Variants in ADCY7 observed in about 807,000 individuals in gnomAD.
The protein encoded by ADCY7 is adenylate cyclase type 7.
A neutral mutation model predicts 120.6 loss-of-function variants in ADCY7; 72 were observed. The observed-to-expected ratio is 0.60, with a 90% confidence interval of 0.49 to 0.73. The LOEUF (loss-of-function observed/expected upper bound fraction) is 0.73. Among genes scored for constraint, ADCY7 ranks in the 30% least tolerant of loss-of-function variants. ADCY7 has a pLI of 0.00. For missense variants in ADCY7, 1,227 were observed against 1,486.0 expected, an observed-to-expected ratio of 0.83 and a Z score of 2.87; for synonymous variants, 661 against 628.0, an observed-to-expected ratio of 1.05 and a Z score of -0.78.
chr16:50,307,087 T>G lies in ADCY7; in HGVS notation c.1790T>G (p.Phe597Cys). 6.2e-7 allele frequency: 1 copy of G among 1,611,500 alleles called. No individual in the cohort carries two copies. Among genetic ancestry groups the G allele is most frequent in the Non-Finnish European group, 8.5e-7 (1 of 1,179,936 alleles). The change falls in exon 15 of 26, where the codon TTT becomes TGT. Residue 597 changes from phenylalanine to cysteine, a missense_variant. Phe to Cys is a radical substitution (Grantham distance 205). This residue lies in a region of ADCY7 where 332 missense variants were observed against 455.8 expected (regional missense o/e 0.73). Coordinates refer to ENST00000673801, the MANE Select transcript of ADCY7 (RefSeq NM_001114.5). ...CCCATCCCCCGGGCCCGCCACGACTTTGCCTGCGCCAGCCTGATCTTCGTC... is the reference window on the plus strand; with the variant it reads ...CCCATCCCCCGGGCCCGCCACGACTGTGCCTGCGCCAGCCTGATCTTCGTC... ...LAPIPRARHD[F>C]ACASLIFVCI...
chr16:50,293,527 C>T (rs768668889), intron 6 of ADCY7, 25 bp downstream of exon 6: 30 of 1,611,526 alleles, frequency 1.9e-5, no homozygotes, highest in African/African-American at 9.3e-5. Context: ...GTGTGATTAG[C>T]ATATCCCGGG....
intron 7 of ADCY7, among the ~76,000 whole-genome samples, chr16:50,294,959 C>T (rs112427844): frequency 6.6e-6 from 1 of 152,156 alleles, no homozygotes; most frequent in Non-Finnish European, 1.5e-5. Flanking sequence ...CCCAGAGTGA[C>T]AGGCCAGTGG....
At chr16:50,269,712 G>A (rs1227904260) in intron 1 of ADCY7, among the ~76,000 whole-genome samples, 1 of 152,146 alleles carries the variant, frequency 6.6e-6, no homozygotes, top group Non-Finnish European at 1.5e-5. Context: ...TGTTCATACT[G>A]AGGTGACACA....
At chr16:50,258,316 A>G (rs2032972902) in intron 1 of ADCY7, among the ~76,000 whole-genome samples, 1 of 152,148 alleles carries the variant, frequency 6.6e-6, no homozygotes, top group African/African-American at 2.4e-5. Flanking sequence ...TTTCATCTGT[A>G]GGACTGGTAC....
At chr16:50,280,252 T>G (rs1027669931) in intron 1 of ADCY7, among the ~76,000 whole-genome samples, 2 of 152,216 alleles carry the variant, frequency 1.3e-5, no homozygotes, top group Non-Finnish European at 2.9e-5. Flanking sequence ...TTCTGATGGT[T>G]GTTTTTTATT....
rs2036121416 is a variant in ADCY7, at chr16:50,307,121, G to A, written c.1824G>A (p.Leu608=). Residue 608 remains leucine, a synonymous_variant, in exon 15 of 26, where the codon CTG becomes CTA. Transcript: ENST00000673801. ...ACASLIFVCI[L]LVHVLLMPRT... ...CCAGCCTGATCTTCGTCTGCATCCTGCTCGTCCATGTCCTGCTCATGCCCA... is the reference window on the plus strand; with the variant it reads ...CCAGCCTGATCTTCGTCTGCATCCTACTCGTCCATGTCCTGCTCATGCCCA... 1 of 1,612,030 alleles carries A rather than the reference G, an allele frequency of 6.2e-7. No individual in the cohort carries two copies. Among genetic ancestry groups the A allele is most frequent in the Non-Finnish European group, 8.5e-7 (1 of 1,180,002 alleles).
chr16:50,291,479 G>A (rs1158814551), intron 3 of ADCY7, among the ~76,000 whole-genome samples: 4 of 152,216 alleles, frequency 2.6e-5, no homozygotes, highest in East Asian at 1.9e-4. Flanking sequence ...CCTGGATCAC[G>A]CGGGGCATGG....
At position 50,268,015 on chromosome 16, in the gene ADCY7, C is replaced by T. The variant is rs80168503; in HGVS notation, c.-269+1335C>T. 1.9e-3 allele frequency among the ~76,000 whole-genome samples: 290 copies of T among 152,126 alleles called. 3 individuals are homozygous for T. The highest frequency in any genetic ancestry group is 6.8e-3 in the African/African-American group (280 of 41,476). On this transcript the variant is annotated intron_variant, in intron 1 of 25. Transcript: ENST00000673801. ...GGGGAGGGGAGGCTCTCAGATTGTT[C>T]CAGATTCTGTGGCCCTCAGAAGGGC...
rs1269585990 is a variant in ADCY7 at position 50,317,697 on chromosome 16, G to T, written c.*2192G>T. On this transcript the variant is annotated 3_prime_UTR_variant, in exon 26 of 26. Transcript: ENST00000673801. ...AACTGACCATAAAAATTACCTGCAG[G>T]TATTTTCTTTTTATGAACTTGTTTT... The T allele has an allele frequency of 6.6e-6, 1 of 152,240 alleles. No individual in the cohort carries two copies. Among genetic ancestry groups the T allele is most frequent in the East Asian group, 1.9e-4 (1 of 5,336 alleles). 9.4% of individuals were successfully genotyped at this position (152,240 alleles called of 1,614,324 possible).
intron 1 of ADCY7, among the ~76,000 whole-genome samples, chr16:50,252,168 TC>T (rs1286398764): frequency 6.6e-6 from 1 of 152,110 alleles, no homozygotes; most frequent in Admixed American, 6.5e-5. Context: ...AGGCAGGCAG[TC>T]CTTTCTCTGT....
At position 50,298,971 on chromosome 16, in the gene ADCY7, C is replaced by T. The variant is rs1037736769; in HGVS notation, c.1016C>T (p.Ser339Leu). 8 of 1,613,544 alleles carry T rather than the reference C, an allele frequency of 5.0e-6. No individual in the cohort carries two copies. Among genetic ancestry groups the T allele is most frequent in the East Asian group, 4.5e-5 (2 of 44,884 alleles). Residue 339 changes from serine to leucine, a missense_variant, in exon 8 of 26, where the codon TCG becomes TTG. Around this residue, in one of 5 missense-constraint regions of ADCY7, gnomAD observed 332 missense variants for 455.8 expected, o/e 0.73. Transcript: ENST00000673801. ...CYYCVSGLPV[S>L]LPTHARNCVK... Reference sequence around the variant, plus strand: ...TACTGTGTATCGGGCCTGCCCGTGTCGCTGCCTACCCACGCCCGGAACTGC... The same window carrying T: ...TACTGTGTATCGGGCCTGCCCGTGTTGCTGCCTACCCACGCCCGGAACTGC...
intron 2 of ADCY7, 73 bp downstream of exon 2, chr16:50,288,423 C>T: frequency 7.3e-7 from 1 of 1,377,652 alleles, no homozygotes; most frequent in Non-Finnish European, 9.6e-7. Context: ...CTCTTAGCCT[C>T]TTCTGTAAAA....
chr16:50,304,617 G>A (rs577996576), intron 11 of ADCY7, 66 bp downstream of exon 11: 1 of 1,439,234 alleles, frequency 6.9e-7, no homozygotes, highest in African/African-American at 1.4e-5. Context: ...GAGAGTGAGT[G>A]CTGAAGATCT....
chr16:50,278,875 T>C (rs1254617563), intron 1 of ADCY7, among the ~76,000 whole-genome samples: 8 of 65,376 alleles, frequency 1.2e-4, no homozygotes, highest in Non-Finnish European at 2.4e-4. Context: ...TCTCTCTCTC[T>C]TTTTTTTTTT....
intron 24 of ADCY7, 148 bp from the exon 25 acceptor site, chr16:50,314,866 C>T (rs905430765): frequency 2.9e-5 from 31 of 1,086,248 alleles, no homozygotes; most frequent in Non-Finnish European, 3.7e-5. Context: ...CCGACTGCAA[C>T]GCAGTGACTC....
At chr16:50,300,279 C>A (rs2151015660) in intron 8 of ADCY7, among the ~76,000 whole-genome samples, 1 of 152,152 alleles carries the variant, frequency 6.6e-6, no homozygotes, top group South Asian at 2.1e-4. Flanking sequence ...CCATATTGGC[C>A]AGGGTGGTCT....
rs2036764584 is a variant in ADCY7, at chr16:50,315,569, G to T, written c.*64G>T. Reference sequence around the variant, plus strand: ...CTCCTTCCCTGAAGCAAGCCCAGGAGAAGACTCTCCGCCCCACGCCAATCC... The same window carrying T: ...CTCCTTCCCTGAAGCAAGCCCAGGATAAGACTCTCCGCCCCACGCCAATCC... On this transcript the variant is annotated 3_prime_UTR_variant, in exon 26 of 26. Coordinates refer to ENST00000673801, the MANE Select transcript of ADCY7 (RefSeq NM_001114.5). 1.3e-6 allele frequency: 2 copies of T among 1,580,152 alleles called. No individual in the cohort carries two copies. The highest frequency in any genetic ancestry group is 1.7e-5 in the Admixed American group (1 of 59,044).
At chr16:50,271,099 C>T (rs2033542348) in intron 1 of ADCY7, among the ~76,000 whole-genome samples, 1 of 152,236 alleles carries the variant, frequency 6.6e-6, no homozygotes, top group South Asian at 2.1e-4. Context: ...CCTGCTCTCC[C>T]CTGGAAGCCT....
chr16:50,246,043 C>T (rs1468633458), upstream of ADCY7: 2 of 150,518 alleles, frequency 1.3e-5, no homozygotes, highest in Non-Finnish European at 3.0e-5. Flanking sequence ...AGCCCCCAGC[C>T]CCCCGCCCCG....
Sources: gnomAD v4.1 joint callset for allele counts (sites outside exome capture counted in the v4.1 genomes callset) on GRCh38, gnomAD v4.1.1 for gene constraint, gnomAD v4.1.1 regional missense constraint, MANE v1.5 for transcripts, NCBI Gene and HGNC (gene_info 2026-07-23, HGNC 2026-07-21) for gene names.